The following NFKBID variants were observed in gnomAD, a reference collection of about 807,000 sequenced individuals.
NFKBID encodes NF-kappa-B inhibitor delta.
In NFKBID, 26 loss-of-function variants were observed where a neutral mutation model predicts 53.4. That is an observed-to-expected ratio of 0.49 (90% CI 0.36 to 0.68). The LOEUF (loss-of-function observed/expected upper bound fraction) is 0.68. Ranked by LOEUF, NFKBID falls within the 30% of genes least tolerant of loss-of-function variation. NFKBID has a pLI of 0.00. For synonymous variants in NFKBID, 262 were observed against 259.8 expected (o/e 1.01, Z -0.08); for missense variants, 493 against 614.1 (o/e 0.80, Z 2.08).
intron 9 of NFKBID, among the ~76,000 whole-genome samples, chr19:35,891,332 G>C (rs1297599742): frequency 6.6e-6 from 1 of 152,140 alleles, no homozygotes; most frequent in Non-Finnish European, 1.5e-5. Context: ...GCTGATAACA[G>C]GGCAAAACCA....
intron 3 of NFKBID, 44 bp from the exon 4 acceptor site, chr19:35,897,900 T>C (rs1437757057): frequency 1.5e-6 from 2 of 1,374,230 alleles, no homozygotes; most frequent in Non-Finnish European, 2.0e-6. Flanking sequence ...GTTACCAGAG[T>C]TGGGGACGTC....
At chr19:35,894,998 A>G (rs1975037398) in intron 9 of NFKBID, among the ~76,000 whole-genome samples, 1 of 151,812 alleles carries the variant, frequency 6.6e-6, no homozygotes. Flanking sequence ...CATCTCAAAA[A>G]GAAAAAAAAA....
upstream of NFKBID, among the ~76,000 whole-genome samples, chr19:35,900,813 CTTTTTTTTCTTTTCTTTTT>C (rs1975525106): frequency 7.8e-6 from 1 of 127,940 alleles, no homozygotes; most frequent in African/African-American, 2.9e-5. Flanking sequence ...TTTTCTTTTT[CTTTTTTTTCTTTTCTTTTT>C]TTTTTTTTTT....
At chr19:35,891,460 GA>G (rs1310804790) in intron 9 of NFKBID, among the ~76,000 whole-genome samples, 1 of 151,676 alleles carries the variant, frequency 6.6e-6, no homozygotes, top group Non-Finnish European at 1.5e-5. Context: ...TTTTTTTAAT[GA>G]AAAAAATTAT....
intron 9 of NFKBID, among the ~76,000 whole-genome samples, chr19:35,893,798 T>C (rs1974947671): frequency 1.4e-5 from 2 of 146,064 alleles, no homozygotes; most frequent in African/African-American, 5.1e-5. Context: ...CCAGCCTGGG[T>C]GACAGAGCGA....
At chr19:35,895,920 A>G (rs930883565) in intron 9 of NFKBID, 60 bp downstream of exon 9, 47 of 1,536,382 alleles carry the variant, frequency 3.1e-5, no homozygotes, top group Non-Finnish European at 4.0e-5. Context: ...GCTCCCGGAC[A>G]TCCAAGTGGC....
upstream of NFKBID, chr19:35,900,703 C>T: frequency 2.6e-6 from 3 of 1,170,842 alleles, no homozygotes; most frequent in Non-Finnish European, 3.2e-6. Flanking sequence ...CTCAGTCCCC[C>T]CGGGAAGGAG....
At chr19:35,897,775 G>A (rs761807434) in exon 4 of NFKBID, 28 of 1,608,280 alleles carry the variant, frequency 1.7e-5, no homozygotes, top group South Asian at 5.5e-5. Context: ...GGCAGCATGC[G>A]TGTTGGGGTC....
At chr19:35,898,690 T>A in intron 2 of NFKBID, 29 bp downstream of exon 2, 2 of 1,527,838 alleles carry the variant, frequency 1.3e-6, no homozygotes, top group East Asian at 4.9e-5. Flanking sequence ...GCACGGGGCC[T>A]CCGGAGAGCT....
At chr19:35,889,304 T>C (rs1337100468) in intron 11 of NFKBID, among the ~76,000 whole-genome samples, 1 of 151,892 alleles carries the variant, frequency 6.6e-6, no homozygotes, top group Non-Finnish European at 1.5e-5. Context: ...TGCAGTGAGC[T>C]ATGATCATGC....
At chr19:35,897,098 G>A (rs1350314387) in intron 4 of NFKBID, 40 bp from the exon 5 acceptor site, 4 of 1,583,044 alleles carry the variant, frequency 2.5e-6, no homozygotes, top group Admixed American at 4.1e-5. Context: ...GGGTGTCTGG[G>A]GGGTCCTGGA....
Position 35,896,175 on chromosome 19 carries a change from C to T in NFKBID, c.883+43G>A, listed in dbSNP as rs991607642. The T allele has an allele frequency of 4.5e-5, 73 of 1,613,914 alleles. No homozygotes were observed. The highest frequency in any genetic ancestry group is 5.9e-5 in the Non-Finnish European group (70 of 1,179,928). On this transcript the variant is annotated intron_variant, in intron 8 of 11. Coordinates refer to ENST00000641389, the Ensembl canonical transcript of NFKBID. This position sits in a 1 kb window ranked among gnomAD's most constrained non-coding sequence, Gnocchi z 5.7. ...GGACCCGCATCTGCACCCACCTCGC[C>T]CAGCCACACCAACCACACCAGCCCT...
chr19:35,898,300 T>C (rs1483932916), intron 3 of NFKBID, among the ~76,000 whole-genome samples, 172 bp downstream of exon 3: 2 of 149,616 alleles, frequency 1.3e-5, no homozygotes, highest in South Asian at 2.1e-4. Flanking sequence ...GTGAGCCAGA[T>C]AGCGCCACTG....
chr19:35,894,648 T>C (rs1017934929), intron 9 of NFKBID, among the ~76,000 whole-genome samples: 1 of 149,598 alleles, frequency 6.7e-6, no homozygotes, highest in Non-Finnish European at 1.5e-5. Context: ...CAATAAGCTG[T>C]GATCATGCCA....
intron 4 of NFKBID, 161 bp downstream of exon 4, chr19:35,897,490 T>C (rs1395668204): frequency 9.0e-6 from 6 of 664,112 alleles, no homozygotes; most frequent in African/African-American, 3.6e-5. Flanking sequence ...GTGATCCGCC[T>C]GCCTCAGCCT....
upstream of NFKBID, among the ~76,000 whole-genome samples, chr19:35,901,099 C>T (rs1178121868): frequency 6.6e-6 from 1 of 151,952 alleles, no homozygotes; most frequent in Non-Finnish European, 1.5e-5. Context: ...TCCCAAAGTG[C>T]TGGGATTACA....
chr19:35,902,263 C>T (rs112961429), upstream of NFKBID: 4,095 of 704,976 alleles, frequency 5.8e-3, 80 homozygotes, highest in African/African-American at 0.048. Flanking sequence ...TGTCTAGGAT[C>T]CCTCTCAAAC....
upstream of NFKBID, chr19:35,901,781 G>C (rs1599634366): frequency 5.1e-6 from 1 of 197,744 alleles, no homozygotes; most frequent in Admixed American, 5.5e-5. Flanking sequence ...ATATTGGCTT[G>C]AACTCCTGAT....
intron 10 of NFKBID, 30 bp downstream of exon 10, chr19:35,890,344 C>T (rs1346502401): frequency 4.0e-6 from 6 of 1,489,186 alleles, no homozygotes; most frequent in Non-Finnish European, 4.7e-6. Context: ...GTACCCCACA[C>T]AATCTGCACT....
Sources: allele counts gnomAD v4.1 joint callset (sites outside exome capture counted in the v4.1 genomes callset), GRCh38; gene constraint gnomAD v4.1.1; non-coding constraint Gnocchi (gnomAD v3.1); transcripts MANE v1.5; gene names NCBI Gene and HGNC (gene_info 2026-07-23, HGNC 2026-07-21).